GALNTL6: variants seen among roughly 807,000 people sequenced by gnomAD.
The protein encoded by GALNTL6 is polypeptide N-acetylgalactosaminyltransferase like 6, also known as polypeptide N-acetylgalactosaminyltransferase-like 6.
GALNTL6 carries 46 observed loss-of-function variants against 73.7 expected under a neutral mutation model. The observed-to-expected ratio is 0.62, with a 90% confidence interval of 0.49 to 0.80. GALNTL6 has a LOEUF of 0.80. GALNTL6 is among the 30% of genes least tolerant of loss of function. The pLI is 0.00. For synonymous variants in GALNTL6, 259 were observed against 263.7 expected, an observed-to-expected ratio of 0.98 and a Z score of 0.17; for missense variants, 604 against 755.0, an observed-to-expected ratio of 0.80 and a Z score of 2.34.
chr4:172,704,094 T>C (rs559312078), intron 5 of GALNTL6, among the ~76,000 whole-genome samples: 1 of 152,030 alleles, frequency 6.6e-6, no homozygotes, highest in Admixed American at 6.6e-5. Context: ...ATTTTTTTCT[T>C]AGTACTCTAG....
chr4:173,039,188 T>A (rs892797796), intron 12 of GALNTL6, among the ~76,000 whole-genome samples: 2 of 152,230 alleles, frequency 1.3e-5, no homozygotes, highest in African/African-American at 4.8e-5. Flanking sequence ...GGGGCTTTTT[T>A]AAAATGAATG....
chr4:172,089,774 C>G (rs1172786746), intron 2 of GALNTL6, among the ~76,000 whole-genome samples: 1 of 152,072 alleles, frequency 6.6e-6, no homozygotes. Context: ...CATAGGTATA[C>G]AAGTGCATGG....
intron 3 of GALNTL6, among the ~76,000 whole-genome samples, chr4:172,301,769 T>C (rs946147074): frequency 1.4e-4 from 21 of 152,188 alleles, no homozygotes; most frequent in African/African-American, 5.1e-4. Flanking sequence ...GAGGTGTCAG[T>C]CTGCCCCTAC....
intron 2 of GALNTL6, among the ~76,000 whole-genome samples, chr4:171,915,437 A>G (rs942216299): frequency 1.3e-5 from 2 of 152,180 alleles, no homozygotes; most frequent in African/African-American, 4.8e-5. Context: ...CTCTCTGACT[A>G]TATGATACTA....
chr4:172,245,003 A>T (rs941189580), intron 3 of GALNTL6, among the ~76,000 whole-genome samples: 2 of 152,182 alleles, frequency 1.3e-5, no homozygotes, highest in Non-Finnish European at 2.9e-5. Flanking sequence ...ATCATGAAGA[A>T]ACAAGAAAAT....
chr4:172,496,956 T>C (rs977228983), intron 5 of GALNTL6, among the ~76,000 whole-genome samples: 1 of 152,238 alleles, frequency 6.6e-6, no homozygotes, highest in African/African-American at 2.4e-5. Flanking sequence ...TCAAAGCATG[T>C]TCAGTTAGTT....
In GALNTL6 at chr4:171,814,902, A is replaced by G. The variant is rs1734483290; in HGVS notation, c.138+184A>G. On this transcript the variant is annotated intron_variant, in intron 2 of 12. Coordinates refer to ENST00000506823, the MANE Select transcript of GALNTL6 (RefSeq NM_001034845.3). The stretch of plus-strand genomic sequence containing the variant: ...TAGATGTTTTAAGATTGCAGCCAGT[A>G]ACATCGTGACATGTACAACTAGTAA... 21 of 612,920 alleles carry G rather than the reference A, an allele frequency of 3.4e-5. No individual in the cohort carries two copies. In the South Asian group the frequency reaches 3.8e-4, roughly 11 times the overall value. 38.0% of individuals were successfully genotyped at this position (612,920 alleles called of 1,614,324 possible). A position where few individuals can be genotyped will look rare whatever the true frequency, so the allele number is the denominator to read the frequency against.
At chr4:172,035,393 G>T (rs1179843808) in intron 2 of GALNTL6, among the ~76,000 whole-genome samples, 1 of 152,012 alleles carries the variant, frequency 6.6e-6, no homozygotes, top group Non-Finnish European at 1.5e-5. Flanking sequence ...ATTGGCAGTG[G>T]ATATTATGCC....
intron 5 of GALNTL6, among the ~76,000 whole-genome samples, chr4:172,780,352 G>T (rs995877209): frequency 6.6e-6 from 1 of 152,142 alleles, no homozygotes; most frequent in Non-Finnish European, 1.5e-5. Context: ...ACTTTAAATT[G>T]TTGGTTAAAT....
At chr4:171,970,336 A>C (rs1240180017) in intron 2 of GALNTL6, among the ~76,000 whole-genome samples, 1 of 152,278 alleles carries the variant, frequency 6.6e-6, no homozygotes, top group Non-Finnish European at 1.5e-5. Flanking sequence ...ATTTGGTGAA[A>C]ATTTCTCCTT....
chr4:171,858,236 T>C (rs2110874028), intron 2 of GALNTL6, among the ~76,000 whole-genome samples: 1 of 152,248 alleles, frequency 6.6e-6, no homozygotes, highest in African/African-American at 2.4e-5. Context: ...CATTTTAAGG[T>C]ATAGACAGTT....
intron 2 of GALNTL6, among the ~76,000 whole-genome samples, chr4:171,905,763 T>C (rs1228754456): frequency 6.6e-6 from 1 of 151,288 alleles, no homozygotes; most frequent in Non-Finnish European, 1.5e-5. Flanking sequence ...CCTCAGCAAA[T>C]ATAAAAGAAC....
chr4:172,259,674 T>C (rs1294356205), intron 3 of GALNTL6, among the ~76,000 whole-genome samples: 3 of 151,640 alleles, frequency 2.0e-5, no homozygotes, highest in African/African-American at 4.8e-5. Context: ...GGTCATGAAC[T>C]CTTTGCCTAA....
At chr4:172,136,392 ACT>A (rs1457383258) in intron 2 of GALNTL6, among the ~76,000 whole-genome samples, 4 of 151,734 alleles carry the variant, frequency 2.6e-5, no homozygotes, top group African/African-American at 7.3e-5. Flanking sequence ...TGATTATAAA[ACT>A]CTGTTCAATT....
intron 5 of GALNTL6, among the ~76,000 whole-genome samples, chr4:172,720,174 C>T (rs1356144601): frequency 6.6e-6 from 1 of 152,136 alleles, no homozygotes; most frequent in African/African-American, 2.4e-5. Context: ...TCATTTGTTA[C>T]AGGGCTTTTC....
intron 9 of GALNTL6, 74 bp from the exon 10 acceptor site, chr4:172,951,963 A>AT: frequency 7.8e-7 from 1 of 1,275,894 alleles, no homozygotes; most frequent in African/African-American, 1.5e-5. Context: ...TCTTTTTTCA[A>AT]TTTCTGGTGC....
chr4:172,529,776 C>T (rs1735105921), intron 5 of GALNTL6, among the ~76,000 whole-genome samples: 2 of 152,114 alleles, frequency 1.3e-5, no homozygotes, highest in South Asian at 4.1e-4. Context: ...ATGTCTGCCT[C>T]TTGGGCTCAA....
intron 5 of GALNTL6, among the ~76,000 whole-genome samples, chr4:172,460,537 C>T (rs1423016996): frequency 6.6e-6 from 1 of 151,946 alleles, no homozygotes; most frequent in African/African-American, 2.4e-5. Flanking sequence ...AAAGACAACC[C>T]CATCAAAAAG....
chr4:172,761,657 C>A (rs1196403303), intron 5 of GALNTL6, among the ~76,000 whole-genome samples: 3 of 128,950 alleles, frequency 2.3e-5, no homozygotes, highest in Non-Finnish European at 4.8e-5. Context: ...GAGAGCTTCG[C>A]CCTTGCTCTC....
Sources: gnomAD v4.1 joint callset for allele counts (sites outside exome capture counted in the v4.1 genomes callset) on GRCh38, gnomAD v4.1.1 for gene constraint, MANE v1.5 for transcripts, NCBI Gene and HGNC (gene_info 2026-07-23, HGNC 2026-07-21) for gene names.